The following PHACTR3 variants were observed in gnomAD, a reference collection of about 807,000 sequenced individuals.
PHACTR3 encodes protein phosphatase 1, regulatory subunit 123.
In PHACTR3, 16 loss-of-function variants were observed where a neutral mutation model predicts 66.8. That is an observed-to-expected ratio of 0.24 (90% CI 0.16 to 0.36). The LOEUF is 0.36. Ranked by LOEUF, PHACTR3 falls within the 10% of genes least tolerant of loss-of-function variation. The probability of loss-of-function intolerance (pLI) is 1.00; values close to 1 mark genes in which losing one functional copy is unlikely to be tolerated. For synonymous variants in PHACTR3, 323 were observed against 292.1 expected (o/e 1.11, Z -1.08); for missense variants, 647 against 719.9 (o/e 0.90, Z 1.16).
intron 1 of PHACTR3, among the ~76,000 whole-genome samples, chr20:59,678,021 C>A (rs1231842303): frequency 6.6e-6 from 1 of 152,184 alleles, no homozygotes; most frequent in African/African-American, 2.4e-5. Flanking sequence ...ACTTTCACCC[C>A]ACAAGCTGCA....
At chr20:59,675,595 T>C (rs1337761181) in intron 1 of PHACTR3, among the ~76,000 whole-genome samples, 1 of 152,222 alleles carries the variant, frequency 6.6e-6, no homozygotes, top group Non-Finnish European at 1.5e-5. Flanking sequence ...CTGTCTTTCT[T>C]GCCAGCAGCA....
At chr20:59,840,134 G>A (rs2059032057) in intron 9 of PHACTR3, among the ~76,000 whole-genome samples, 2 of 152,176 alleles carry the variant, frequency 1.3e-5, no homozygotes. Context: ...AAGGGCTGAG[G>A]AGACCAGGTT....
chr20:59,595,480 A>G (rs1191021980), intron 1 of PHACTR3, among the ~76,000 whole-genome samples: 2 of 152,194 alleles, frequency 1.3e-5, no homozygotes, highest in Non-Finnish European at 2.9e-5. Context: ...ATAATTTGTT[A>G]ATGTGAATTT....
Position 59,755,291 on chromosome 20 carries a change from C to A in PHACTR3, c.468C>A (p.Ser156Arg), listed in dbSNP as rs896091357. Residue 156 changes from serine to arginine, a missense_variant, in exon 4 of 13, where the codon AGC becomes AGA. Physicochemically the swap from Ser to Arg is moderately radical, Grantham distance 110 (BLOSUM62 -1). Around this residue, in one of 2 missense-constraint regions of PHACTR3, gnomAD observed 577 missense variants for 571.1 expected, o/e 1.01. Coordinates refer to ENST00000371015, the MANE Select transcript of PHACTR3 (RefSeq NM_080672.5). ...CTTCAGAAGATGCCCAGCCCGGAAG[C>A]CCCTTGGCCACTGGGACGGACCAGG... Reference protein sequence around the residue: ...TLTSEDAQPGSPLATGTDQVS... With the variant: ...TLTSEDAQPGRPLATGTDQVS... 1 of 1,613,420 alleles carries A rather than the reference C, an allele frequency of 6.2e-7. No homozygotes were observed. The highest frequency in any genetic ancestry group is 1.3e-5 in the African/African-American group (1 of 74,938).
chr20:59,631,037 C>T (rs2034642040), intron 1 of PHACTR3, among the ~76,000 whole-genome samples: 1 of 152,092 alleles, frequency 6.6e-6, no homozygotes, highest in Non-Finnish European at 1.5e-5. Context: ...AGCTTCATGG[C>T]TGTTAGCTGT....
chr20:59,726,469 A>C (rs1041309153), intron 1 of PHACTR3, among the ~76,000 whole-genome samples: 2 of 152,118 alleles, frequency 1.3e-5, no homozygotes, highest in African/African-American at 2.4e-5. Context: ...CAGACTCAAG[A>C]CGCAGGCAAA....
At chr20:59,686,100 T>C (rs532135740) in intron 1 of PHACTR3, among the ~76,000 whole-genome samples, 10 of 152,228 alleles carry the variant, frequency 6.6e-5, no homozygotes, top group Non-Finnish European at 1.5e-4. Context: ...CTTCTGAATT[T>C]ATAAGGTGCC....
intron 1 of PHACTR3, among the ~76,000 whole-genome samples, chr20:59,610,096 A>G (rs1371005252): frequency 6.6e-6 from 1 of 152,200 alleles, no homozygotes; most frequent in East Asian, 1.9e-4. Context: ...TCTATAAAAA[A>G]TACAAAAAGT....
chr20:59,593,946 C>T (rs1035865993), intron 1 of PHACTR3, among the ~76,000 whole-genome samples: 3 of 152,204 alleles, frequency 2.0e-5, no homozygotes, highest in African/African-American at 7.2e-5. Context: ...AGTCTTCCAA[C>T]TTTGTTCTTC....
intron 6 of PHACTR3, among the ~76,000 whole-genome samples, 193 bp from the exon 7 acceptor site, chr20:59,774,050 A>G (rs1418115677): frequency 1.3e-5 from 2 of 152,242 alleles, no homozygotes; most frequent in African/African-American, 4.8e-5. Context: ...TTTTCAAAAC[A>G]GCATGTTGTA....
At chr20:59,676,814 G>GC in intron 1 of PHACTR3, 1 of 856,322 alleles carries the variant, frequency 1.2e-6, no homozygotes, top group Non-Finnish European at 1.4e-6. Context: ...CAGGGACTCT[G>GC]CTTAGGGAGC....
At chr20:59,794,687 G>A (rs2041201500) in intron 7 of PHACTR3, among the ~76,000 whole-genome samples, 1 of 152,158 alleles carries the variant, frequency 6.6e-6, no homozygotes, top group South Asian at 2.1e-4. Flanking sequence ...TTTGATGGGA[G>A]ATTTTTTAGT....
intron 7 of PHACTR3, among the ~76,000 whole-genome samples, chr20:59,780,814 C>G (rs1411220889): frequency 6.6e-6 from 1 of 152,192 alleles, no homozygotes; most frequent in Non-Finnish European, 1.5e-5. Context: ...TTCTTAACCT[C>G]TCTGTGCTTC....
At chr20:59,783,259 T>C (rs2040789755) in intron 7 of PHACTR3, among the ~76,000 whole-genome samples, 1 of 152,148 alleles carries the variant, frequency 6.6e-6, no homozygotes, top group Non-Finnish European at 1.5e-5. Flanking sequence ...AGATGCTCGC[T>C]GGGATGCAGG....
At chr20:59,743,365 TACACAGGAGGGGCAGATGTGCTTCATGG>T in intron 2 of PHACTR3, 97 bp downstream of exon 2, 1 of 1,449,496 alleles carries the variant, frequency 6.9e-7, no homozygotes, top group Non-Finnish European at 9.4e-7. Flanking sequence ...TCCTGGCCCC[TACACAGGAGGGGCAGATGTGCTTCATGG>T]CCTGTGATGG....
intron 8 of PHACTR3, among the ~76,000 whole-genome samples, chr20:59,832,371 C>T (rs2042409072): frequency 6.6e-6 from 1 of 152,180 alleles, no homozygotes; most frequent in Non-Finnish European, 1.5e-5. Context: ...TTTATGTATA[C>T]TTAGGGTAAC....
intron 1 of PHACTR3, among the ~76,000 whole-genome samples, chr20:59,627,260 C>T (rs2034487609): frequency 6.6e-6 from 1 of 152,202 alleles, no homozygotes; most frequent in Admixed American, 6.5e-5. Flanking sequence ...CCCTTCCTCC[C>T]TCCCTCACTC....
chr20:59,708,503 A>T (rs1221547998), intron 1 of PHACTR3, among the ~76,000 whole-genome samples: 1 of 152,150 alleles, frequency 6.6e-6, no homozygotes, highest in Non-Finnish European at 1.5e-5. Flanking sequence ...AATAAGTCCC[A>T]TGTGCAGGCC....
At chr20:59,679,182 T>G (rs1568702688) in intron 1 of PHACTR3, among the ~76,000 whole-genome samples, 2 of 152,186 alleles carry the variant, frequency 1.3e-5, no homozygotes, top group African/African-American at 4.8e-5. Flanking sequence ...CGGTTGAAGA[T>G]GGACTTGATT....
Sources: allele counts gnomAD v4.1 joint callset (sites outside exome capture counted in the v4.1 genomes callset), GRCh38; gene constraint gnomAD v4.1.1; regional missense constraint gnomAD v4.1.1; transcripts MANE v1.5; gene names NCBI Gene and HGNC (gene_info 2026-07-23, HGNC 2026-07-21).